RGL1: variants seen among roughly 807,000 people sequenced by gnomAD.
The protein encoded by RGL1 is ral guanine nucleotide dissociation stimulator like 1, also known as ral guanine nucleotide dissociation stimulator-like 1.
In RGL1, 24 loss-of-function variants were observed where a neutral mutation model predicts 95.2. That is an observed-to-expected ratio of 0.25 (90% CI 0.18 to 0.35). RGL1 has a LOEUF of 0.35. Ranked by LOEUF, RGL1 falls within the 10% of genes least tolerant of loss-of-function variation. RGL1 has a pLI of 1.00. For synonymous variants in RGL1, 329 were observed against 344.9 expected (o/e 0.95, Z 0.51); for missense variants, 715 against 936.3 (o/e 0.76, Z 3.08).
chr1:183,872,451 C>T (rs1032047468), intron 4 of RGL1, among the ~76,000 whole-genome samples: 6 of 152,010 alleles, frequency 3.9e-5, no homozygotes, highest in African/African-American at 1.4e-4. Context: ...CATCAGTTTC[C>T]TTCTGGAGTG....
intron 2 of RGL1, among the ~76,000 whole-genome samples, chr1:183,787,542 T>G (rs1299998555): frequency 6.6e-6 from 1 of 152,172 alleles, no homozygotes; most frequent in Non-Finnish European, 1.5e-5. Context: ...GTGCCAGACC[T>G]GTGCTAGGAT....
intron 1 of RGL1, among the ~76,000 whole-genome samples, chr1:183,720,750 A>T (rs1472893619): frequency 1.3e-5 from 2 of 152,186 alleles, no homozygotes; most frequent in Non-Finnish European, 2.9e-5. Flanking sequence ...CCAGGGTAAG[A>T]AGTAGTTTTG....
At chr1:183,663,127 A>T (rs1651767602) in intron 1 of RGL1, among the ~76,000 whole-genome samples, 1 of 151,750 alleles carries the variant, frequency 6.6e-6, no homozygotes. Context: ...AAACCTAGGC[A>T]TTACCATTCA....
chr1:183,779,503 C>A (rs879775430), intron 2 of RGL1, among the ~76,000 whole-genome samples: 8 of 152,106 alleles, frequency 5.3e-5, no homozygotes, highest in Non-Finnish European at 1.0e-4. Flanking sequence ...CCCACCTCAG[C>A]CTCCCAAAGT....
rs564088160 is a variant in RGL1, at chr1:183,725,629, C to T, written c.-32-16497C>T. On this transcript the variant is annotated intron_variant, in intron 1 of 18. Coordinates refer to the RGL1 transcript ENST00000304685. Reference sequence around the variant, plus strand: ...GAGTCAATGAATCAATAAGGCATAACATTCCTAAATGTGTATTCACCTTAT... The same window carrying T: ...GAGTCAATGAATCAATAAGGCATAATATTCCTAAATGTGTATTCACCTTAT... 3.7e-4 allele frequency among the ~76,000 whole-genome samples: 57 copies of T among 152,248 alleles called. 1 individual carries two copies. In the South Asian group the frequency reaches 8.3e-3, roughly 22 times the overall value.
Position 183,753,799 on chromosome 1 carries a change from A to G in RGL1, c.132+11510A>G, listed in dbSNP as rs117069333. On this transcript the variant is annotated intron_variant, in intron 2 of 18. Transcript: ENST00000304685. ...TAGGAACAAGAGAGATCCATGAAGT[A>G]GTGTTGCCTAACAATATTAAATATA... Among the ~76,000 whole-genome samples the G allele has an allele frequency of 5.8e-4, 89 of 152,318 alleles. No homozygotes were observed. The East Asian group carries it at 0.015, about 26-fold the overall frequency.
chr1:183,928,474 G>T lies in RGL1; in HGVS notation c.*2182G>T, dbSNP rs1183251644. 1 of 152,506 alleles carries T rather than the reference G, an allele frequency of 6.6e-6. No individual in the cohort carries two copies. The highest frequency in any genetic ancestry group is 1.5e-5 in the Non-Finnish European group (1 of 68,022). 9.4% of individuals were successfully genotyped at this position (152,506 alleles called of 1,614,324 possible). A position where few individuals can be genotyped will look rare whatever the true frequency, so the allele number is the denominator to read the frequency against. ...CATCTCCATCATCTGTTTACCTTTT[G>T]GTTAAACTAATAAACTAGTTTGGGA... On this transcript the variant is annotated 3_prime_UTR_variant, in exon 18 of 18. Coordinates refer to ENST00000360851, the MANE Select transcript of RGL1 (RefSeq NM_001297671.3).
chr1:183,766,197 G>A (rs1658955517), intron 2 of RGL1, among the ~76,000 whole-genome samples: 1 of 152,124 alleles, frequency 6.6e-6, no homozygotes, highest in African/African-American at 2.4e-5. Context: ...ATGAGGTCAG[G>A]AGTTCGAGAC....
At chr1:183,739,948 G>A (rs1294519342) in intron 1 of RGL1, among the ~76,000 whole-genome samples, 1 of 152,206 alleles carries the variant, frequency 6.6e-6, no homozygotes, top group East Asian at 1.9e-4. Context: ...GCTTACGGAT[G>A]TTCCATTGTT....
chr1:183,790,435 T>A (rs931921274), intron 2 of RGL1, among the ~76,000 whole-genome samples: 1 of 152,214 alleles, frequency 6.6e-6, no homozygotes, highest in Non-Finnish European at 1.5e-5. Context: ...GGTATGGATT[T>A]ATAGAATTAA....
intron 9 of RGL1, 41 bp downstream of exon 9, chr1:183,892,202 G>A: frequency 7.2e-7 from 1 of 1,387,354 alleles, no homozygotes; most frequent in Non-Finnish European, 1.0e-6. Context: ...GCTGTTAATA[G>A]CTCTGGAATC....
intron 1 of RGL1, among the ~76,000 whole-genome samples, chr1:183,672,224 C>T (rs116656412): frequency 0.013 from 1,984 of 152,160 alleles, 54 homozygotes; most frequent in African/African-American, 0.046. Context: ...TGAGCCATGG[C>T]GCCCAGCCCT....
At chr1:183,864,654 G>A (rs1241178334) in intron 3 of RGL1, among the ~76,000 whole-genome samples, 4 of 152,218 alleles carry the variant, frequency 2.6e-5, no homozygotes, top group Non-Finnish European at 4.4e-5. Context: ...GGTAGCCCTG[G>A]AAGCCTTCTA....
intron 2 of RGL1, among the ~76,000 whole-genome samples, chr1:183,772,611 A>AT (rs1659340065): frequency 1.3e-5 from 2 of 152,160 alleles, no homozygotes; most frequent in African/African-American, 4.8e-5. Flanking sequence ...TTGATGGGAA[A>AT]CCTTGGTCTA....
At chr1:183,708,460 T>C (rs1321301135) in intron 1 of RGL1, among the ~76,000 whole-genome samples, 5 of 152,208 alleles carry the variant, frequency 3.3e-5, no homozygotes. Context: ...TCTTATGAAC[T>C]AACCTGGCAT....
intron 2 of RGL1, among the ~76,000 whole-genome samples, chr1:183,746,389 T>C (rs898177903): frequency 6.6e-6 from 1 of 152,028 alleles, no homozygotes; most frequent in African/African-American, 2.4e-5. Context: ...TATATTTATA[T>C]GTATGGTGTC....
intron 1 of RGL1, among the ~76,000 whole-genome samples, chr1:183,638,531 TA>T (rs11300097): frequency 0.068 from 10,428 of 152,236 alleles, 623 homozygotes; most frequent in African/African-American, 0.16. Flanking sequence ...TATAAAGCTT[TA>T]AGAGAAATTT....
chr1:183,849,734 C>T lies in RGL1; in HGVS notation c.347+1960C>T, dbSNP rs563942354. On this transcript the variant is annotated intron_variant, in intron 3 of 17. Transcript: ENST00000360851. Reference sequence around the variant, plus strand: ...TCGATCTCTTGACCTCATGATCTGCCGCCTCAGCCTCCCAAAGTGCTGGGA... The same window carrying T: ...TCGATCTCTTGACCTCATGATCTGCTGCCTCAGCCTCCCAAAGTGCTGGGA... Among the ~76,000 whole-genome samples the T allele has an allele frequency of 2.5e-4, 38 of 151,884 alleles. No individual in the cohort carries two copies. The South Asian group carries it at 3.1e-3, about 13-fold the overall frequency.
intron 1 of RGL1, among the ~76,000 whole-genome samples, chr1:183,644,841 C>G (rs2101982934): frequency 6.6e-6 from 1 of 152,240 alleles, no homozygotes; most frequent in Admixed American, 6.5e-5. Context: ...TTGATGAATT[C>G]TAATCTATTT....
Sources: gnomAD v4.1 joint callset for allele counts (sites outside exome capture counted in the v4.1 genomes callset) on GRCh38, gnomAD v4.1.1 for gene constraint, MANE v1.5 for transcripts, NCBI Gene and HGNC (gene_info 2026-07-23, HGNC 2026-07-21) for gene names.